The following PTPRO variants were observed in gnomAD, a reference collection of about 807,000 sequenced individuals.
PTPRO encodes receptor-type tyrosine-protein phosphatase O.
PTPRO carries 62 observed loss-of-function variants against 145.2 expected under a neutral mutation model. The ratio of observed to expected loss-of-function variants is 0.43; its 90% CI spans 0.35 to 0.53. PTPRO has a LOEUF of 0.53. Among genes scored for constraint, PTPRO ranks in the 20% least tolerant of loss-of-function variants. The pLI is 0.01. For missense variants in PTPRO, 1,345 were observed against 1,482.7 expected (o/e 0.91, Z 1.53); for synonymous variants, 565 against 514.7 (o/e 1.10, Z -1.32).
intron 1 of PTPRO, among the ~76,000 whole-genome samples, chr12:15,465,001 ATATT>A (rs1230081810): frequency 6.6e-6 from 1 of 152,204 alleles, no homozygotes; most frequent in Non-Finnish European, 1.5e-5. Context: ...CAATAAGAAA[ATATT>A]TAATGATGAC....
intron 1 of PTPRO, among the ~76,000 whole-genome samples, chr12:15,447,235 G>T (rs11513656): frequency 0.027 from 4,062 of 151,966 alleles, 109 homozygotes; most frequent in East Asian, 0.14. Flanking sequence ...TGGATTTCAT[G>T]GGGGGGAGGG....
intron 19 of PTPRO, among the ~76,000 whole-genome samples, chr12:15,573,978 A>G (rs1027302521): frequency 3.3e-5 from 5 of 152,254 alleles, no homozygotes; most frequent in African/African-American, 1.2e-4. Context: ...ACCTTGGTCT[A>G]GATAATTCCA....
chr12:15,526,360 A>C, intron 12 of PTPRO, 98 bp downstream of exon 12: 1 of 1,511,014 alleles, frequency 6.6e-7, no homozygotes, highest in Non-Finnish European at 9.1e-7. Flanking sequence ...AATAACAGAA[A>C]AATGGCTAAT....
chr12:15,496,151 T>TTTTTTTTTTTTG (rs1942101169), intron 2 of PTPRO, among the ~76,000 whole-genome samples: 1 of 140,398 alleles, frequency 7.1e-6, no homozygotes, highest in Non-Finnish European at 1.5e-5. Flanking sequence ...TGTTTTTTTT[T>TTTTTTTTTTTTG]TTTTTTTTTT....
intron 23 of PTPRO, among the ~76,000 whole-genome samples, chr12:15,585,984 G>C (rs1303566512): frequency 6.6e-6 from 1 of 152,192 alleles, no homozygotes; most frequent in Non-Finnish European, 1.5e-5. Context: ...GGGACTCCCA[G>C]AATCAACCAT....
At position 15,392,720 on chromosome 12, in the gene PTPRO, CAAAAAAA is replaced by C. The variant is rs1177789187; in HGVS notation, c.75+69935_75+69941del. 5.4e-4 allele frequency among the ~76,000 whole-genome samples: 36 copies of C among 66,686 alleles called. 1 individual carries two copies. The highest frequency in any genetic ancestry group is 2.1e-3 in the African/African-American group (33 of 15,648). 43.7% of individuals were successfully genotyped at this position (66,686 alleles called of 152,430 possible). ...TGGGTGACAGAGTGAGACCCTGTCT[CAAAAAAA>C]AAAAAAAAAAAAAAAGAAGAAAAAA... On this transcript the variant is annotated intron_variant, in intron 1 of 26. Coordinates refer to ENST00000281171, the MANE Select transcript of PTPRO (RefSeq NM_030667.3).
intron 1 of PTPRO, among the ~76,000 whole-genome samples, chr12:15,360,754 GTA>G (rs1003345072): frequency 1.2e-4 from 17 of 145,008 alleles, no homozygotes; most frequent in African/African-American, 3.6e-4. Flanking sequence ...CTATGTGTGT[GTA>G]TATGTGTGTA....
intron 1 of PTPRO, among the ~76,000 whole-genome samples, chr12:15,426,232 A>C (rs7972505): frequency 0.42 from 63,135 of 151,382 alleles, 13,294 homozygotes; most frequent in Admixed American, 0.46. Context: ...CTGCTGATAT[A>C]CAGAAAAACT....
chr12:15,510,694 A>G (rs1160016272), intron 7 of PTPRO, among the ~76,000 whole-genome samples: 1 of 152,232 alleles, frequency 6.6e-6, no homozygotes, highest in Non-Finnish European at 1.5e-5. Context: ...GCTAGGCATC[A>G]TCTCAGTTAC....
chr12:15,469,288 A>AT (rs1941484906), intron 1 of PTPRO, among the ~76,000 whole-genome samples: 1 of 152,254 alleles, frequency 6.6e-6, no homozygotes, highest in Non-Finnish European at 1.5e-5. Context: ...ATGGAAAATA[A>AT]TAAAGTCAGG....
chr12:15,592,711 A>G (rs559219478), intron 25 of PTPRO, among the ~76,000 whole-genome samples: 4 of 152,234 alleles, frequency 2.6e-5, no homozygotes, highest in Admixed American at 6.5e-5. Flanking sequence ...CTCTTCTGTA[A>G]AATATGAATG....
At chr12:15,382,285 C>T (rs1191193310) in intron 1 of PTPRO, among the ~76,000 whole-genome samples, 1 of 152,052 alleles carries the variant, frequency 6.6e-6, no homozygotes, top group African/African-American at 2.4e-5. Context: ...CACTGCATCT[C>T]AGGGCAATCC....
chr12:15,434,985 G>A (rs1006522160), intron 1 of PTPRO, among the ~76,000 whole-genome samples: 3 of 152,142 alleles, frequency 2.0e-5, no homozygotes, highest in African/African-American at 4.8e-5. Context: ...CTGCTGCAGG[G>A]CGTAGTCCTA....
At position 15,452,740 on chromosome 12, in the gene PTPRO, C is replaced by CA. The variant is rs541834243; in HGVS notation, c.76-31225dup. The stretch of plus-strand genomic sequence containing the variant: ...TACACTACATAAACTGAATTAGAAA[C>CA]AAAAAAAAATCTTAAAAGTCTAGGC... On this transcript the variant is annotated intron_variant, in intron 1 of 26. Coordinates refer to ENST00000281171, the MANE Select transcript of PTPRO (RefSeq NM_030667.3). Among the ~76,000 whole-genome samples the CA allele has an allele frequency of 5.7e-4, 86 of 151,168 alleles. 1 individual carries two copies. In the South Asian group the frequency reaches 0.013, roughly 22 times the overall value.
chr12:15,412,140 G>C (rs921597150), intron 1 of PTPRO, among the ~76,000 whole-genome samples: 7 of 151,328 alleles, frequency 4.6e-5, no homozygotes, highest in Middle Eastern at 3.4e-3. Context: ...ATCTGGAAAT[G>C]CCAAATTTTC....
intron 1 of PTPRO, among the ~76,000 whole-genome samples, chr12:15,383,360 T>G (rs925540977): frequency 1.3e-5 from 2 of 152,260 alleles, no homozygotes; most frequent in Non-Finnish European, 2.9e-5. Context: ...TTAAAAAATC[T>G]ATTTGTCTAT....
chr12:15,558,521 T>G (rs1389888540), intron 16 of PTPRO, among the ~76,000 whole-genome samples: 1 of 152,210 alleles, frequency 6.6e-6, no homozygotes, highest in African/African-American at 2.4e-5. Context: ...TCCAGTTCAA[T>G]CAATGCCCAA....
intron 1 of PTPRO, among the ~76,000 whole-genome samples, chr12:15,326,745 T>A (rs1466267571): frequency 6.6e-6 from 1 of 152,226 alleles, no homozygotes; most frequent in Non-Finnish European, 1.5e-5. Flanking sequence ...TTGGTAGCAG[T>A]GTGGCACAAT....
At chr12:15,507,543 C>T (rs1413347864) in intron 6 of PTPRO, among the ~76,000 whole-genome samples, 5 of 152,052 alleles carry the variant, frequency 3.3e-5, no homozygotes, top group African/African-American at 4.8e-5. Context: ...TGTGAGCATC[C>T]GTGTTTTAAG....
Sources: allele counts gnomAD v4.1 joint callset (sites outside exome capture counted in the v4.1 genomes callset), GRCh38; gene constraint gnomAD v4.1.1; transcripts MANE v1.5; gene names NCBI Gene and HGNC (gene_info 2026-07-23, HGNC 2026-07-21).